MATN3: variants seen among roughly 807,000 people sequenced by gnomAD.
MATN3 encodes matrilin-3.
A neutral mutation model predicts 45.3 loss-of-function variants in MATN3; 48 were observed. The observed-to-expected ratio is 1.06, with a 90% CI of 0.84 to 1.35. The LOEUF (loss-of-function observed/expected upper bound fraction) is 1.35. MATN3 is among the 40% of genes most tolerant of loss of function. MATN3 has a pLI of 0.00. For synonymous variants in MATN3, 217 were observed against 245.9 expected (o/e 0.88, Z 1.10); for missense variants, 599 against 628.0 (o/e 0.95, Z 0.49).
Position 20,012,572 on chromosome 2 carries a change from C to T in MATN3, c.60G>A (p.Leu20=). Residue 20 remains leucine, a synonymous_variant, in exon 1 of 8, where the codon CTG becomes CTA. Coordinates refer to ENST00000407540, the MANE Select transcript of MATN3 (RefSeq NM_002381.5). The surrounding 1 kb of genome is among the most constrained non-coding windows in gnomAD (Gnocchi z 4.3). ...CGGGGGCGGCGGAGGGCAGCAGCAG[C>T]AGCGGCCAGAGCAGCAGGAGGAGTC... ...LPGLLLLLWP[L]LLLPSAAPDP... 1 of 1,227,058 alleles carries T rather than the reference C, an allele frequency of 8.1e-7. No homozygotes were observed. Among genetic ancestry groups the T allele is most frequent in the Non-Finnish European group, 1.0e-6 (1 of 985,788 alleles). The allele number at this position is 1,227,058 out of a possible 1,614,324, so 76.0% of individuals were successfully genotyped here.
intron 6 of MATN3, among the ~76,000 whole-genome samples, chr2:19,996,315 T>C (rs967146115): frequency 6.6e-6 from 1 of 152,006 alleles, no homozygotes; most frequent in African/African-American, 2.4e-5. Context: ...TACAAAACAA[T>C]TTTGAAAGAA....
At chr2:20,004,210 G>C (rs1306966474) in intron 2 of MATN3, 1 of 152,238 alleles carries the variant, frequency 6.6e-6, no homozygotes, top group Non-Finnish European at 1.5e-5. Flanking sequence ...ACTACAACAA[G>C]CTGCCGCTCA....
Position 19,997,188 on chromosome 2 carries a change from G to A in MATN3, c.1240C>T (p.His414Tyr), listed in dbSNP as rs1672889262. 3.7e-6 allele frequency: 6 copies of A among 1,613,852 alleles called. No homozygotes were observed. Among genetic ancestry groups the A allele is most frequent in the Non-Finnish European group, 4.2e-6 (5 of 1,179,800 alleles). Residue 414 changes from histidine to tyrosine, a missense_variant, in exon 6 of 8, where the codon CAC becomes TAC. Physicochemically the swap from His to Tyr is moderately conservative, Grantham distance 83. Coordinates refer to ENST00000407540, the MANE Select transcript of MATN3 (RefSeq NM_002381.5). ...GTGTAGCCAGGATAGCAATCACAGTGGTAGGATGCGGCCCCATCACTCACA... is the reference window on the plus strand; with the variant it reads ...GTGTAGCCAGGATAGCAATCACAGTAGTAGGATGCGGCCCCATCACTCACA... ...ICVSDGAASY[H>Y]CDCYPGYTLN...
chr2:20,012,315 G>T lies in MATN3; in HGVS notation c.223+94C>A. On this transcript the variant is annotated intron_variant, in intron 1 of 7. Transcript: ENST00000407540. The surrounding 1 kb of genome is among the most constrained non-coding windows in gnomAD (Gnocchi z 4.3). ...GAGGGGCCTCTTTCCCCCGCACCAC[G>T]GTCGGCCTGAGGCCGGGATGAAGCG... is the stretch of plus-strand genomic sequence containing the variant. The T allele has an allele frequency of 2.0e-6, 2 of 978,984 alleles. No homozygotes were observed. Among genetic ancestry groups the T allele is most frequent in the East Asian group, 3.3e-5 (1 of 30,048 alleles). The allele number at this position is 978,984 out of a possible 1,614,324, so 60.6% of individuals were successfully genotyped here.
chr2:20,011,808 G>C (rs1482070837), intron 1 of MATN3, among the ~76,000 whole-genome samples: 1 of 152,162 alleles, frequency 6.6e-6, no homozygotes, highest in Non-Finnish European at 1.5e-5. Flanking sequence ...CGACCTGCCC[G>C]CTTCGCTGCA....
At chr2:19,996,292 G>A (rs1375300281) in intron 6 of MATN3, among the ~76,000 whole-genome samples, 1 of 151,864 alleles carries the variant, frequency 6.6e-6, no homozygotes, top group African/African-American at 2.4e-5. Flanking sequence ...TACAAGACTT[G>A]TACACTGAAA....
At chr2:19,994,785 G>A (rs987703549) in intron 6 of MATN3, among the ~76,000 whole-genome samples, 1 of 152,138 alleles carries the variant, frequency 6.6e-6, no homozygotes, top group African/African-American at 2.4e-5. Context: ...ATGTAATACT[G>A]TGTAATTAAG....
At chr2:19,994,972 C>T (rs1672834859) in intron 6 of MATN3, among the ~76,000 whole-genome samples, 1 of 152,046 alleles carries the variant, frequency 6.6e-6, no homozygotes, top group South Asian at 2.1e-4. Flanking sequence ...CACCTGTAAT[C>T]CTAGCTACTC....
chr2:20,003,151 C>T lies in MATN3; in HGVS notation c.916+10G>A. ...TTTGATTCAGTCACGGCCCCCTACA[C>T]AGGCCTCACCTGAACACGTTTTCTT... is the stretch of plus-strand genomic sequence containing the variant. On this transcript the variant is annotated intron_variant, in intron 3 of 7. Transcript: ENST00000407540. 6.2e-7 allele frequency: 1 copy of T among 1,613,778 alleles called. No homozygotes were observed. The highest frequency in any genetic ancestry group is 8.5e-7 in the Non-Finnish European group (1 of 1,179,728).
intron 4 of MATN3, 115 bp from the exon 5 acceptor site, chr2:20,000,681 T>C: frequency 1.0e-6 from 1 of 998,350 alleles, no homozygotes; most frequent in Non-Finnish European, 1.4e-6. Context: ...CTGGAAACTA[T>C]TCAAAGCCAT....
chr2:20,007,847 T>C (rs1305489602), intron 1 of MATN3, among the ~76,000 whole-genome samples: 1 of 152,234 alleles, frequency 6.6e-6, no homozygotes, highest in Non-Finnish European at 1.5e-5. Context: ...AGTGTTCATC[T>C]ATTCTTTCCT....
At chr2:19,997,539 T>G (rs1486032622) in intron 5 of MATN3, 2 of 255,332 alleles carry the variant, frequency 7.8e-6, no homozygotes, top group African/African-American at 4.5e-5. Context: ...TGGGCAGCAC[T>G]GAGTCTTGAC....
intron 5 of MATN3, chr2:19,997,822 GTAA>G (rs1196859825): frequency 1.3e-5 from 2 of 152,152 alleles, no homozygotes; most frequent in Admixed American, 6.6e-5. Context: ...TACAGGGTTA[GTAA>G]TGATGATGTG....
At chr2:20,011,591 C>G (rs570341392) in intron 1 of MATN3, among the ~76,000 whole-genome samples, 1 of 152,328 alleles carries the variant, frequency 6.6e-6, no homozygotes, top group South Asian at 2.1e-4. Flanking sequence ...CTCTTTTTAG[C>G]AAGACTGAAG....
intron 6 of MATN3, among the ~76,000 whole-genome samples, chr2:19,996,485 T>C (rs1011746107): frequency 1.3e-5 from 2 of 151,930 alleles, no homozygotes; most frequent in African/African-American, 2.4e-5. Context: ...TTGGCAAAAA[T>C]TTAATTCAAC....
intron 5 of MATN3, chr2:19,997,484 C>T (rs991791911): frequency 4.0e-5 from 17 of 423,214 alleles, no homozygotes; most frequent in African/African-American, 3.1e-4. Flanking sequence ...TTATATCTCT[C>T]ACAGATATCT....
intron 1 of MATN3, among the ~76,000 whole-genome samples, chr2:20,009,041 A>G (rs970826514): frequency 6.6e-6 from 1 of 152,086 alleles, no homozygotes; most frequent in Non-Finnish European, 1.5e-5. Flanking sequence ...CCTGGGCAAC[A>G]TAGGGAGACC....
intron 5 of MATN3, among the ~76,000 whole-genome samples, chr2:20,000,040 A>G (rs1672955092): frequency 6.6e-6 from 1 of 152,208 alleles, no homozygotes; most frequent in Non-Finnish European, 1.5e-5. Flanking sequence ...TAAGATTAAC[A>G]CTACAGAAAA....
At chr2:19,997,864 C>T (rs576482924) in intron 5 of MATN3, 3 of 152,178 alleles carry the variant, frequency 2.0e-5, no homozygotes, top group Non-Finnish European at 4.4e-5. Context: ...TACTTACTAT[C>T]TATCACAAAT....
Sources: gnomAD v4.1 joint callset for allele counts (sites outside exome capture counted in the v4.1 genomes callset) on GRCh38, gnomAD v4.1.1 for gene constraint, Gnocchi (gnomAD v3.1) non-coding constraint, MANE v1.5 for transcripts, NCBI Gene and HGNC (gene_info 2026-07-23, HGNC 2026-07-21) for gene names.